The following ZNF804B variants were observed in gnomAD, a reference collection of about 807,000 sequenced individuals.
The protein encoded by ZNF804B is zinc finger 804B.
Under a neutral mutation model 101.4 loss-of-function variants are expected in ZNF804B, and 80 were observed. That is an observed-to-expected ratio of 0.79 (90% confidence interval 0.66 to 0.95). ZNF804B has a LOEUF of 0.95. Ranked by LOEUF, ZNF804B falls within the 40% of genes least tolerant of loss-of-function variation. The pLI, the probability that ZNF804B is intolerant of heterozygous loss-of-function variation, is 0.00. For synonymous variants in ZNF804B, 622 were observed against 558.8 expected (o/e 1.11, Z -1.59); for missense variants, 1,673 against 1,561.9 (o/e 1.07, Z -1.20).
intron 1 of ZNF804B, among the ~76,000 whole-genome samples, chr7:89,190,725 T>C (rs1788442879): frequency 6.6e-6 from 1 of 151,978 alleles, no homozygotes; most frequent in Non-Finnish European, 1.5e-5. Flanking sequence ...TTTTAAGAAA[T>C]TGCCACAGAT....
At chr7:88,925,221 T>C (rs1010557176) in intron 1 of ZNF804B, among the ~76,000 whole-genome samples, 1 of 152,134 alleles carries the variant, frequency 6.6e-6, no homozygotes, top group Non-Finnish European at 1.5e-5. Context: ...CATCACCATT[T>C]ACACATCTCT....
At chr7:88,881,542 A>T (rs1792029130) in intron 1 of ZNF804B, among the ~76,000 whole-genome samples, 1 of 152,170 alleles carries the variant, frequency 6.6e-6, no homozygotes, top group Non-Finnish European at 1.5e-5. Context: ...TCAGTCCAAG[A>T]CATCTGAACA....
At chr7:89,098,580 C>T (rs1427323839) in intron 1 of ZNF804B, among the ~76,000 whole-genome samples, 1 of 151,908 alleles carries the variant, frequency 6.6e-6, no homozygotes, top group African/African-American at 2.4e-5. Context: ...CCCATAACAA[C>T]TTTTTTTAAT....
intron 1 of ZNF804B, among the ~76,000 whole-genome samples, chr7:88,873,882 A>G (rs1245647257): frequency 1.3e-5 from 2 of 152,098 alleles, no homozygotes; most frequent in Non-Finnish European, 1.5e-5. Context: ...GCCTTGTAGT[A>G]TAGTTTGAAG....
At chr7:89,194,164 G>GT (rs1231896785) in intron 1 of ZNF804B, among the ~76,000 whole-genome samples, 1 of 151,818 alleles carries the variant, frequency 6.6e-6, no homozygotes, top group Admixed American at 6.6e-5. Flanking sequence ...GGGGTTGTTT[G>GT]TTTTTTTCTT....
At chr7:88,924,389 G>T (rs1440722525) in intron 1 of ZNF804B, among the ~76,000 whole-genome samples, 1 of 151,964 alleles carries the variant, frequency 6.6e-6, no homozygotes, top group Non-Finnish European at 1.5e-5. Flanking sequence ...TGATTTTCCT[G>T]TTCTTATACT....
chr7:89,029,638 A>T (rs1788801828), intron 1 of ZNF804B, among the ~76,000 whole-genome samples: 1 of 152,164 alleles, frequency 6.6e-6, no homozygotes, highest in Non-Finnish European at 1.5e-5. Context: ...ATGTTTGGTT[A>T]TTACTCTCAT....
chr7:89,032,392 A>G (rs1230641999), intron 1 of ZNF804B, among the ~76,000 whole-genome samples: 1 of 152,144 alleles, frequency 6.6e-6, no homozygotes, highest in African/African-American at 2.4e-5. Flanking sequence ...AAAAGATTCA[A>G]CTAGATTTTA....
intron 1 of ZNF804B, among the ~76,000 whole-genome samples, chr7:89,123,967 C>G (rs960438394): frequency 2.6e-5 from 4 of 152,142 alleles, no homozygotes; most frequent in Non-Finnish European, 5.9e-5. Context: ...TGAAACACAA[C>G]AAAGTGCAAA....
At chr7:89,140,532 A>T (rs1279215874) in intron 1 of ZNF804B, among the ~76,000 whole-genome samples, 1 of 152,076 alleles carries the variant, frequency 6.6e-6, no homozygotes, top group East Asian at 1.9e-4. Flanking sequence ...GATCTCCTGG[A>T]TTACTTGCTG....
At chr7:89,157,828 A>C (rs1267516472) in intron 1 of ZNF804B, among the ~76,000 whole-genome samples, 4 of 152,188 alleles carry the variant, frequency 2.6e-5, no homozygotes, top group Non-Finnish European at 5.9e-5. Context: ...CCAGGAAAGC[A>C]GTTTTGATTT....
chr7:88,879,406 A>G (rs1411439689), intron 1 of ZNF804B, among the ~76,000 whole-genome samples: 1 of 152,196 alleles, frequency 6.6e-6, no homozygotes, highest in Non-Finnish European at 1.5e-5. Flanking sequence ...ATTTATCAAA[A>G]TTTCATGGAG....
At chr7:89,019,885 G>T (rs1186286461) in intron 1 of ZNF804B, among the ~76,000 whole-genome samples, 3 of 151,844 alleles carry the variant, frequency 2.0e-5, no homozygotes, top group Non-Finnish European at 4.4e-5. Flanking sequence ...GTATATAATT[G>T]GGTCTTATTT....
rs1402033634 is a variant in ZNF804B, at chr7:89,123,304, C to A, written c.109-94851C>A. Among the ~76,000 whole-genome samples, 3 of 152,030 alleles carry A rather than the reference C, an allele frequency of 2.0e-5. No homozygotes were observed. In the East Asian group the frequency reaches 5.8e-4, roughly 29 times the overall value. ...ACAAGCAATTAAAATAAAGACCATG[C>A]ATGTCTGCTATCCTCAAGACTATGG... is the stretch of plus-strand genomic sequence containing the variant. On this transcript the variant is annotated intron_variant, in intron 1 of 3. Coordinates refer to ENST00000333190, the MANE Select transcript of ZNF804B (RefSeq NM_181646.5).
At chr7:89,023,574 T>TTTC (rs1788702200) in intron 1 of ZNF804B, among the ~76,000 whole-genome samples, 2 of 152,304 alleles carry the variant, frequency 1.3e-5, no homozygotes, top group Non-Finnish European at 2.9e-5. Flanking sequence ...TTACTAGAGT[T>TTTC]TATTTATTTT....
At chr7:89,301,057 T>C (rs905411113) in intron 2 of ZNF804B, among the ~76,000 whole-genome samples, 7 of 150,230 alleles carry the variant, frequency 4.7e-5, no homozygotes, top group African/African-American at 7.3e-5. Context: ...AATCCTCTTA[T>C]ATTTATGTAG....
intron 2 of ZNF804B, among the ~76,000 whole-genome samples, chr7:89,291,980 A>G (rs892174327): frequency 6.6e-6 from 1 of 152,126 alleles, no homozygotes; most frequent in African/African-American, 2.4e-5. Context: ...CAGGCATAAG[A>G]TATTTAAAGT....
At chr7:89,156,690 ATTG>A (rs1167617421) in intron 1 of ZNF804B, among the ~76,000 whole-genome samples, 4 of 151,774 alleles carry the variant, frequency 2.6e-5, no homozygotes, top group African/African-American at 9.7e-5. Flanking sequence ...TGTTATTTTT[ATTG>A]GTTTCTCTAA....
At chr7:88,859,259 A>G (rs1160284098) in intron 1 of ZNF804B, among the ~76,000 whole-genome samples, 2 of 151,884 alleles carry the variant, frequency 1.3e-5, no homozygotes, top group African/African-American at 4.8e-5. Flanking sequence ...TTTTGTCTAT[A>G]TTTATCTAAA....
Sources: gnomAD v4.1 joint callset for allele counts (sites outside exome capture counted in the v4.1 genomes callset) on GRCh38, gnomAD v4.1.1 for gene constraint, MANE v1.5 for transcripts, NCBI Gene and HGNC (gene_info 2026-07-23, HGNC 2026-07-21) for gene names.